Variants in CADPS2 observed in about 807,000 individuals in gnomAD.
CADPS2 encodes the protein calcium-dependent secretion activator 2.
In CADPS2, 93 loss-of-function variants were observed where a neutral mutation model predicts 172.5. That is an observed-to-expected ratio of 0.54 (90% CI 0.46 to 0.64). CADPS2 has a LOEUF of 0.64. Among genes scored for constraint, CADPS2 ranks in the 30% least tolerant of loss-of-function variants. CADPS2 has a pLI of 0.00. For missense variants in CADPS2, 1,420 were observed against 1,565.9 expected (o/e 0.91, Z 1.57); for synonymous variants, 546 against 555.2 (o/e 0.98, Z 0.23).
chr7:122,451,729 A>G (rs1241544302), intron 14 of CADPS2, among the ~76,000 whole-genome samples: 1 of 152,162 alleles, frequency 6.6e-6, no homozygotes, highest in African/African-American at 2.4e-5. Flanking sequence ...AGATCTACCG[A>G]AAACAATGAC....
intron 2 of CADPS2, among the ~76,000 whole-genome samples, chr7:122,666,504 C>T (rs186864558): frequency 6.6e-6 from 1 of 152,052 alleles, no homozygotes; most frequent in Admixed American, 6.6e-5. Flanking sequence ...CCACCATGGC[C>T]GGCTAATTTT....
intron 1 of CADPS2, among the ~76,000 whole-genome samples, chr7:122,869,609 A>G (rs1819228999): frequency 6.6e-6 from 1 of 152,108 alleles, no homozygotes; most frequent in Admixed American, 6.6e-5. Context: ...CTAAAGGAGA[A>G]GATCACTAAG....
chr7:122,644,102 A>G (rs2078022880), intron 3 of CADPS2, among the ~76,000 whole-genome samples: 1 of 148,878 alleles, frequency 6.7e-6, no homozygotes, highest in African/African-American at 2.4e-5. Flanking sequence ...GAATGAAGGA[A>G]GGAAGGAAGG....
At chr7:122,748,814 T>C (rs1447993597) in intron 1 of CADPS2, among the ~76,000 whole-genome samples, 1 of 152,092 alleles carries the variant, frequency 6.6e-6, no homozygotes, top group East Asian at 1.9e-4. Context: ...TTAATGTAGT[T>C]AGAATGCTTT....
At chr7:122,388,773 C>T in intron 22 of CADPS2, 35 bp from the exon 23 acceptor site, 1 of 1,562,324 alleles carries the variant, frequency 6.4e-7, no homozygotes, top group Non-Finnish European at 8.7e-7. Flanking sequence ...ATCATGAACT[C>T]CCCGTTAATT....
At chr7:122,371,163 G>C (rs1020670081) in intron 25 of CADPS2, among the ~76,000 whole-genome samples, 1 of 152,134 alleles carries the variant, frequency 6.6e-6, no homozygotes, top group Non-Finnish European at 1.5e-5. Context: ...CAGGGAATAA[G>C]GAATGCCTAC....
chr7:122,753,187 T>A (rs187610224), intron 1 of CADPS2, among the ~76,000 whole-genome samples: 184 of 152,352 alleles, frequency 1.2e-3, no homozygotes, highest in African/African-American at 4.1e-3. Context: ...TAGTAGGGTA[T>A]AATTAAGTCA....
intron 9 of CADPS2, among the ~76,000 whole-genome samples, chr7:122,504,003 T>C (rs146234501): frequency 2.2e-3 from 341 of 152,300 alleles, no homozygotes; most frequent in Non-Finnish European, 3.5e-3. Flanking sequence ...TATTAAGGTA[T>C]TTCAACTGGA....
chr7:122,618,505 G>T (rs915560678), intron 5 of CADPS2, among the ~76,000 whole-genome samples: 1 of 152,214 alleles, frequency 6.6e-6, no homozygotes, highest in African/African-American at 2.4e-5. Context: ...GGTATGGTGG[G>T]AGAAGGGAGG....
chr7:122,343,117 G>A (rs1043636551), intron 28 of CADPS2, among the ~76,000 whole-genome samples: 1 of 152,070 alleles, frequency 6.6e-6, no homozygotes, highest in African/African-American at 2.4e-5. Context: ...GGGGCTTTTA[G>A]TATCCCCTCA....
intron 1 of CADPS2, chr7:122,850,206 T>C: frequency 9.0e-7 from 1 of 1,106,582 alleles, no homozygotes. Flanking sequence ...CCTGAGGCTA[T>C]AACTCGCCAA....
chr7:122,567,124 G>T (rs557984118), intron 7 of CADPS2, among the ~76,000 whole-genome samples: 3 of 152,088 alleles, frequency 2.0e-5, no homozygotes, highest in Admixed American at 2.0e-4. Flanking sequence ...GAAATAGCCA[G>T]AAATAACAGT....
chr7:122,511,313 G>A (rs552313677), intron 9 of CADPS2, among the ~76,000 whole-genome samples: 13 of 152,084 alleles, frequency 8.5e-5, no homozygotes, highest in African/African-American at 3.1e-4. Context: ...AATAATCAAA[G>A]TATACATATT....
intron 7 of CADPS2, among the ~76,000 whole-genome samples, chr7:122,557,202 T>C (rs10274143): frequency 0.01 from 1,548 of 152,178 alleles, 27 homozygotes; most frequent in African/African-American, 0.035. Context: ...GGCTCCCAAA[T>C]TGCACAAGCA....
intron 3 of CADPS2, among the ~76,000 whole-genome samples, chr7:122,650,516 T>A (rs2079043239): frequency 6.6e-6 from 1 of 152,086 alleles, no homozygotes; most frequent in Non-Finnish European, 1.5e-5. Context: ...TGGAGCAGAA[T>A]TAGATAAAGT....
chr7:122,658,449 T>C (rs2080091451), intron 3 of CADPS2, among the ~76,000 whole-genome samples: 1 of 152,342 alleles, frequency 6.6e-6, no homozygotes, highest in Middle Eastern at 3.4e-3. Flanking sequence ...GTATGTTTAT[T>C]GAGGCACTAT....
At chr7:122,635,841 T>C (rs1225057515) in intron 3 of CADPS2, among the ~76,000 whole-genome samples, 1 of 152,194 alleles carries the variant, frequency 6.6e-6, no homozygotes, top group Admixed American at 6.5e-5. Context: ...ATTGAACCAC[T>C]TTTCATTATG....
At chr7:122,404,454 C>G (rs1198804311) in intron 20 of CADPS2, among the ~76,000 whole-genome samples, 1 of 152,100 alleles carries the variant, frequency 6.6e-6, no homozygotes, top group Admixed American at 6.5e-5. Flanking sequence ...AATAAACATA[C>G]GTGTGCATGT....
chr7:122,827,744 T>C (rs939536570), intron 1 of CADPS2, among the ~76,000 whole-genome samples: 6 of 152,004 alleles, frequency 3.9e-5, no homozygotes, highest in Non-Finnish European at 8.8e-5. Flanking sequence ...AAGGTGGCAT[T>C]ATCCTGATAT....
Sources: allele counts gnomAD v4.1 joint callset (sites outside exome capture counted in the v4.1 genomes callset), GRCh38; gene constraint gnomAD v4.1.1; transcripts MANE v1.5; gene names NCBI Gene and HGNC (gene_info 2026-07-23, HGNC 2026-07-21).